The following RS1 variants were observed in gnomAD, a reference collection of about 807,000 sequenced individuals.
The protein encoded by RS1 is retinoschisin 1.
A neutral mutation model predicts 20.8 loss-of-function variants in RS1; 2 were observed. The observed-to-expected ratio is 0.10, with a 90% CI of 0.04 to 0.30. The LOEUF (loss-of-function observed/expected upper bound fraction) is 0.30, where lower values mean the gene tolerates loss of function less well. Ranked by LOEUF, RS1 falls within the 10% of genes least tolerant of loss-of-function variation. The pLI is 1.00. For missense variants in RS1, 151 were observed against 189.8 expected (o/e 0.80, Z 1.20); for synonymous variants, 70 against 75.8 (o/e 0.92, Z 0.40).
At chrX:18,642,969 C>T (rs758023263) in intron 5 of RS1, among the ~76,000 whole-genome samples, 4 of 110,930 alleles carry the variant, frequency 3.6e-5, no homozygotes, top group South Asian at 3.9e-4. Context: ...TACTTGAACC[C>T]GGGAGGCGGA....
intron 3 of RS1, 52 bp from the exon 4 acceptor site, chrX:18,647,384 C>T (rs974375183): frequency 2.0e-5 from 23 of 1,164,700 alleles, no homozygotes; most frequent in Non-Finnish European, 2.7e-5. Context: ...ACTCAACAAG[C>T]ACCAGGTGAC....
At chrX:18,657,864 CAGAA>C (rs1317082316) in intron 1 of RS1, among the ~76,000 whole-genome samples, 199 bp from the exon 2 acceptor site, 3 of 111,849 alleles carry the variant, frequency 2.7e-5, no homozygotes, top group African/African-American at 9.7e-5. Flanking sequence ...TAAAATTAAA[CAGAA>C]AGAACAAGAT....
At chrX:18,644,129 C>G (rs945796326) in intron 5 of RS1, among the ~76,000 whole-genome samples, 1 of 111,997 alleles carries the variant, frequency 8.9e-6, no homozygotes, top group Non-Finnish European at 1.9e-5. Context: ...ATTCAATGAT[C>G]CAGTGAGTTG....
intron 1 of RS1, among the ~76,000 whole-genome samples, chrX:18,659,101 A>G (rs1487971820): frequency 8.9e-6 from 1 of 111,873 alleles, no homozygotes; most frequent in African/African-American, 3.2e-5. Context: ...GAGTTTGCAT[A>G]TATTAGCAGA....
intron 4 of RS1, among the ~76,000 whole-genome samples, chrX:18,646,559 G>C (rs774740396): frequency 8.9e-6 from 1 of 112,156 alleles, no homozygotes; most frequent in Non-Finnish European, 1.9e-5. Context: ...TAACTAATAC[G>C]CACTCAGGGT....
chrX:18,651,058 C>T (rs1423905404), intron 3 of RS1, among the ~76,000 whole-genome samples: 2 of 110,335 alleles, frequency 1.8e-5, no homozygotes, highest in Non-Finnish European at 3.8e-5. Context: ...GGCAAAGACT[C>T]AATAGGGAGG....
intron 3 of RS1, among the ~76,000 whole-genome samples, chrX:18,655,596 C>A (rs971110665): frequency 2.7e-5 from 3 of 111,731 alleles, no homozygotes; most frequent in African/African-American, 9.8e-5. Context: ...ACGTGATCAG[C>A]CTGAGACCAG....
At chrX:18,668,721 C>T (rs1928442373) in intron 1 of RS1, among the ~76,000 whole-genome samples, 1 of 112,214 alleles carries the variant, frequency 8.9e-6, no homozygotes, top group Non-Finnish European at 1.9e-5. Flanking sequence ...ATATGCTAAG[C>T]GAAAGACAAA....
intron 3 of RS1, among the ~76,000 whole-genome samples, chrX:18,649,024 G>A (rs1311029802): frequency 1.9e-5 from 2 of 103,798 alleles, no homozygotes; most frequent in Non-Finnish European, 3.9e-5. Context: ...TTCCAGCCTG[G>A]GTGATAGACA....
chrX:18,644,596 C>T lies in RS1; in HGVS notation c.356G>A (p.Ser119Asn). The T allele has an allele frequency of 8.3e-7, 1 of 1,211,737 alleles. No homozygotes were observed. Residue 119 changes from serine to asparagine, a missense_variant, in exon 5 of 6, where the codon AGT becomes AAT. Transcript: ENST00000379984. ...CAGATCTATCTGTAACCACTGGCTA[C>T]TGTCCTGGAACTTGGAGAGCCAGGC... is the stretch of plus-strand genomic sequence containing the variant. ...GCAWLSKFQD[S>N]SQWLQIDLKE...
chrX:18,657,795 C>A, intron 1 of RS1, 130 bp from the exon 2 acceptor site: 2 of 549,922 alleles, frequency 3.6e-6, no homozygotes, highest in South Asian at 2.5e-5. Flanking sequence ...TGGAAGAAGT[C>A]ATGGTGAGTA....
At chrX:18,663,864 A>G (rs747289182) in intron 1 of RS1, among the ~76,000 whole-genome samples, 5 of 111,931 alleles carry the variant, frequency 4.5e-5, no homozygotes, top group Non-Finnish European at 9.4e-5. Context: ...CCTACAGGAT[A>G]TCTTCCCGTA....
intron 5 of RS1, among the ~76,000 whole-genome samples, chrX:18,642,862 T>C (rs1379466731): frequency 9.1e-6 from 1 of 110,193 alleles, no homozygotes; most frequent in Non-Finnish European, 1.9e-5. Flanking sequence ...CAACACACAG[T>C]GAGACCCCGT....
chrX:18,657,217 C>CTTTTTTTT (rs749358875), intron 2 of RS1, among the ~76,000 whole-genome samples: 29,711 of 64,590 alleles, frequency 0.46, 8,220 homozygotes, highest in Non-Finnish European at 0.6. Context: ...AAAAAAAATA[C>CTTTTTTTT]TTTTTTTTTT....
chrX:18,649,870 C>A (rs1470401128), intron 3 of RS1, among the ~76,000 whole-genome samples: 1 of 111,908 alleles, frequency 8.9e-6, no homozygotes, highest in East Asian at 2.8e-4. Context: ...GGCACAAGGC[C>A]AGGTGGCAGG....
At chrX:18,649,570 C>T (rs1927941910) in intron 3 of RS1, among the ~76,000 whole-genome samples, 1 of 111,687 alleles carries the variant, frequency 9.0e-6, no homozygotes, top group South Asian at 3.8e-4. Flanking sequence ...TAGGCCTGAT[C>T]TCACTAGTAT....
chrX:18,665,942 T>C (rs1371990977), intron 1 of RS1, among the ~76,000 whole-genome samples: 1 of 107,308 alleles, frequency 9.3e-6, no homozygotes, highest in Non-Finnish European at 1.9e-5. Flanking sequence ...CACCATTTGC[T>C]CTGGCCTTTT....
At chrX:18,651,051 A>T (rs1284835663) in intron 3 of RS1, among the ~76,000 whole-genome samples, 4 of 110,801 alleles carry the variant, frequency 3.6e-5, no homozygotes, top group Non-Finnish European at 5.7e-5. Context: ...TTTTTCTGGC[A>T]AAGACTCAAT....
rs1349518786 is a variant in RS1, at chrX:18,653,322, A to T, written c.184+3331T>A. On this transcript the variant is annotated intron_variant, in intron 3 of 5. Transcript: ENST00000379984. ...GCATTAAAGTGAAGATTAGGAGGCC[A>T]GAATGCATGTGGCCTTCTGCTCCGT... is the stretch of plus-strand genomic sequence containing the variant. The T allele has an allele frequency of 2.6e-6, 3 of 1,152,271 alleles. No homozygotes were observed. In the African/African-American group the frequency reaches 5.4e-5, roughly 21 times the overall value. 95.0% of individuals were successfully genotyped at this position (1,152,271 alleles called of 1,213,427 possible).
Sources: gnomAD v4.1 joint callset for allele counts (sites outside exome capture counted in the v4.1 genomes callset) on GRCh38, gnomAD v4.1.1 for gene constraint, MANE v1.5 for transcripts, NCBI Gene and HGNC (gene_info 2026-07-23, HGNC 2026-07-21) for gene names.